IQANK1: variants seen among roughly 807,000 people sequenced by gnomAD.
The protein encoded by IQANK1 is IQ motif and ankyrin repeat domain-containing protein 1.
In IQANK1, 30 loss-of-function variants were observed where a neutral mutation model predicts 22.6. The observed-to-expected ratio is 1.33, with a 90% confidence interval of 0.99 to 1.80. The LOEUF (loss-of-function observed/expected upper bound fraction) is 1.80. Among genes scored for constraint, IQANK1 ranks in the 40% most tolerant of loss-of-function variants. IQANK1 has a pLI of 0.00. For missense variants in IQANK1, 275 were observed against 235.2 expected (o/e 1.17, Z -1.11); for synonymous variants, 122 against 99.6 (o/e 1.23, Z -1.34).
intron 3 of IQANK1, among the ~76,000 whole-genome samples, chr8:143,752,815 C>G (rs1182540164): frequency 2.0e-5 from 3 of 152,088 alleles, no homozygotes; most frequent in Non-Finnish European, 4.4e-5. Flanking sequence ...TAAGTACTCT[C>G]TACGATGTTC....
intron 3 of IQANK1, among the ~76,000 whole-genome samples, chr8:143,749,860 G>T (rs1819154116): frequency 6.6e-6 from 1 of 150,838 alleles, no homozygotes; most frequent in South Asian, 2.1e-4. Context: ...ACCATGCTTG[G>T]CCTGCTTCAT....
rs1818716747 is a variant in IQANK1, at chr8:143,735,643, C to T, written c.-4-207C>T. Reference sequence around the variant, plus strand: ...GGGGGACGGGAGGTGGCCAAGTGCTCTTGCCAGGCATCCCGGCTCAAGCTT... The same window carrying T: ...GGGGGACGGGAGGTGGCCAAGTGCTTTTGCCAGGCATCCCGGCTCAAGCTT... On this transcript the variant is annotated intron_variant, in intron 1 of 13. Coordinates refer to ENST00000527139, the MANE Select transcript of IQANK1 (RefSeq NM_001381874.1). This position sits in a 1 kb window ranked among gnomAD's most constrained non-coding sequence, Gnocchi z 5.2. Among the ~76,000 whole-genome samples the T allele has an allele frequency of 6.6e-6, 1 of 152,080 alleles. No individual in the cohort carries two copies. The highest frequency in any genetic ancestry group is 6.5e-5 in the Admixed American group (1 of 15,278).
intron 3 of IQANK1, among the ~76,000 whole-genome samples, chr8:143,741,019 C>T (rs987835455): frequency 3.9e-5 from 6 of 152,180 alleles, no homozygotes; most frequent in Non-Finnish European, 8.8e-5. Flanking sequence ...GGAGGATGTC[C>T]CTTCTGTCAC....
chr8:143,738,770 A>G (rs1483769904), intron 2 of IQANK1, among the ~76,000 whole-genome samples: 2 of 151,892 alleles, frequency 1.3e-5, no homozygotes, highest in Admixed American at 1.3e-4. Context: ...CCACAGGGCC[A>G]GGAGCTGCAT....
At chr8:143,786,183 A>G (rs1273331227) in intron 7 of IQANK1, among the ~76,000 whole-genome samples, 1 of 152,244 alleles carries the variant, frequency 6.6e-6, no homozygotes, top group Non-Finnish European at 1.5e-5. Flanking sequence ...TTTTACTGGT[A>G]GGAATCATTT....
chr8:143,742,945 C>G (rs1487482095), intron 3 of IQANK1: 2 of 456,110 alleles, frequency 4.4e-6, no homozygotes, highest in Admixed American at 4.7e-5. Context: ...CTACAGTGTC[C>G]CGGCACAGCC....
Position 143,755,594 on chromosome 8 carries a change from C to T in IQANK1, c.175+15646C>T, listed in dbSNP as rs1478430594. On this transcript the variant is annotated intron_variant, in intron 3 of 13. Coordinates refer to ENST00000527139, the MANE Select transcript of IQANK1 (RefSeq NM_001381874.1). ...GGCCAGGCTGGTCTCAAACTCCTTACCTCAAGTGATCCTCCCGCCTTGGCC... is the reference window on the plus strand; with the variant it reads ...GGCCAGGCTGGTCTCAAACTCCTTATCTCAAGTGATCCTCCCGCCTTGGCC... Among the ~76,000 whole-genome samples, 3 of 152,100 alleles carry T rather than the reference C, an allele frequency of 2.0e-5. No homozygotes were observed. In the East Asian group the frequency reaches 5.8e-4, roughly 29 times the overall value.
intron 1 of IQANK1, among the ~76,000 whole-genome samples, chr8:143,734,548 ACTC>A (rs1221885627): frequency 6.7e-6 from 1 of 149,854 alleles, no homozygotes; most frequent in Non-Finnish European, 1.5e-5. Context: ...AGCACAGGAG[ACTC>A]CTCAGGAAGA....
chr8:143,778,520 GAAC>G (rs1819734112), intron 7 of IQANK1, among the ~76,000 whole-genome samples: 1 of 152,100 alleles, frequency 6.6e-6, no homozygotes. Flanking sequence ...AAAACTATGA[GAAC>G]TACAAGGAGA....
chr8:143,769,344 G>C (rs1179284323), intron 3 of IQANK1, among the ~76,000 whole-genome samples: 2 of 151,630 alleles, frequency 1.3e-5, no homozygotes, highest in Non-Finnish European at 2.9e-5. Context: ...ACAGATGTGA[G>C]CCATTGCACT....
At chr8:143,772,613 G>A (rs1166052474) in intron 7 of IQANK1, 131 bp downstream of exon 7, 1 of 396,906 alleles carries the variant, frequency 2.5e-6, no homozygotes, top group African/African-American at 2.1e-5. Context: ...AGGCAGGGAA[G>A]GCTCACCCGA....
At chr8:143,744,778 A>C (rs1394235989) in intron 3 of IQANK1, 1 of 152,202 alleles carries the variant, frequency 6.6e-6, no homozygotes, top group Non-Finnish European at 1.5e-5. Context: ...CTGCCGTAAC[A>C]ACCCTTACTC....
chr8:143,738,449 T>C (rs1394249613), intron 2 of IQANK1, among the ~76,000 whole-genome samples: 5 of 152,162 alleles, frequency 3.3e-5, no homozygotes, highest in African/African-American at 9.7e-5. Context: ...TGGGCCTCAC[T>C]GACCCCACTC....
intron 3 of IQANK1, among the ~76,000 whole-genome samples, chr8:143,754,685 G>A (rs1819256226): frequency 6.6e-6 from 1 of 151,956 alleles, no homozygotes; most frequent in Non-Finnish European, 1.5e-5. Flanking sequence ...GAGTGCAGTG[G>A]CCTGATCTCA....
intron 3 of IQANK1, among the ~76,000 whole-genome samples, chr8:143,751,624 AAGTGTGTGTGT>A (rs1244888144): frequency 1.9e-5 from 2 of 105,378 alleles, no homozygotes; most frequent in African/African-American, 7.5e-5. Context: ...AAAAAAAAAA[AAGTGTGTGTGT>A]GTGTGTGTGT....
intron 3 of IQANK1, among the ~76,000 whole-genome samples, chr8:143,748,177 T>C (rs1002501813): frequency 3.4e-4 from 52 of 151,526 alleles, no homozygotes; most frequent in African/African-American, 1.2e-3. Context: ...GTATTTTTTA[T>C]ACAGACAGGG....
At chr8:143,765,308 G>A (rs965910047) in intron 3 of IQANK1, among the ~76,000 whole-genome samples, 6 of 151,744 alleles carry the variant, frequency 4.0e-5, no homozygotes, top group Admixed American at 3.9e-4. Context: ...AGTGAGCCAG[G>A]ATCACACCAC....
intron 3 of IQANK1, among the ~76,000 whole-genome samples, chr8:143,748,773 T>C (rs1819099245): frequency 2.8e-5 from 3 of 105,272 alleles, no homozygotes; most frequent in African/African-American, 4.0e-5. Context: ...ATATAATATA[T>C]AAATATATCA....
chr8:143,743,084 C>G, intron 3 of IQANK1: 1 of 455,024 alleles, frequency 2.2e-6, no homozygotes, highest in Non-Finnish European at 4.4e-6. Context: ...GCCACCACAT[C>G]TACCAGCTCT....
Sources: gnomAD v4.1 joint callset for allele counts (sites outside exome capture counted in the v4.1 genomes callset) on GRCh38, gnomAD v4.1.1 for gene constraint, Gnocchi (gnomAD v3.1) non-coding constraint, MANE v1.5 for transcripts, NCBI Gene and HGNC (gene_info 2026-07-23, HGNC 2026-07-21) for gene names.